The following KIF26B variants were observed in gnomAD, a reference collection of about 807,000 sequenced individuals.
KIF26B encodes kinesin family member 26B, also known as kinesin-like protein KIF26B.
Under a neutral mutation model 151.2 loss-of-function variants are expected in KIF26B, and 63 were observed. That is an observed-to-expected ratio of 0.42 (90% CI 0.34 to 0.51). The LOEUF (loss-of-function observed/expected upper bound fraction) is 0.51, where lower values mean the gene tolerates loss of function less well. Ranked by LOEUF, KIF26B falls within the 20% of genes least tolerant of loss-of-function variation. The pLI, the probability that KIF26B is intolerant of heterozygous loss-of-function variation, is 0.07. For synonymous variants in KIF26B, 1,357 were observed against 1,262.1 expected (o/e 1.08, Z -1.59); for missense variants, 2,813 against 2,913.6 (o/e 0.97, Z 0.79).
intron 2 of KIF26B, among the ~76,000 whole-genome samples, chr1:245,198,735 A>C (rs1034435943): frequency 1.3e-4 from 20 of 151,816 alleles, no homozygotes; most frequent in African/African-American, 4.8e-4. Flanking sequence ...TCAAAAAAAA[A>C]AAAAAATTGT....
chr1:245,417,747 G>T (rs1674454580), intron 3 of KIF26B, among the ~76,000 whole-genome samples: 1 of 152,206 alleles, frequency 6.6e-6, no homozygotes, highest in Non-Finnish European at 1.5e-5. Flanking sequence ...TGGGAATCTG[G>T]ACCCACCCAG....
intron 2 of KIF26B, among the ~76,000 whole-genome samples, chr1:245,185,354 G>A (rs1317820865): frequency 6.6e-6 from 1 of 152,106 alleles, no homozygotes; most frequent in African/African-American, 2.4e-5. Flanking sequence ...GGCCAGGCTG[G>A]TCTCGAACTC....
chr1:245,388,854 T>C (rs1274940354), intron 3 of KIF26B, among the ~76,000 whole-genome samples: 1 of 152,194 alleles, frequency 6.6e-6, no homozygotes, highest in East Asian at 1.9e-4. Flanking sequence ...TCAAGGAAAG[T>C]CAGGGTGAGA....
intron 2 of KIF26B, among the ~76,000 whole-genome samples, chr1:245,181,514 TAAA>T (rs369608495): frequency 1.0e-5 from 1 of 97,926 alleles, no homozygotes; most frequent in Admixed American, 1.3e-4. Flanking sequence ...GTAGTAAAGT[TAAA>T]AAAAAAAAAG....
At chr1:245,673,032 C>T (rs572833073) in intron 10 of KIF26B, among the ~76,000 whole-genome samples, 26 of 151,776 alleles carry the variant, frequency 1.7e-4, no homozygotes, top group Admixed American at 1.4e-3. Context: ...CGGCGCGCTG[C>T]CATCTTAGGC....
intron 2 of KIF26B, among the ~76,000 whole-genome samples, chr1:245,201,107 A>G (rs1388765557): frequency 2.0e-5 from 3 of 152,228 alleles, no homozygotes; most frequent in African/African-American, 4.8e-5. Flanking sequence ...AAGGCCACAC[A>G]GTTAAGAATT....
chr1:245,377,561 A>G (rs138877005), intron 3 of KIF26B, among the ~76,000 whole-genome samples: 293 of 152,342 alleles, frequency 1.9e-3, no homozygotes, highest in African/African-American at 6.0e-3. Context: ...TTTTGCACCT[A>G]TCTAATAATT....
chr1:245,698,823 T>C lies in KIF26B; in HGVS notation c.6028-64T>C. On this transcript the variant is annotated intron_variant, in intron 13 of 14. Coordinates refer to ENST00000407071, the MANE Select transcript of KIF26B (RefSeq NM_018012.4). This position sits in a 1 kb window ranked among gnomAD's most constrained non-coding sequence, Gnocchi z 4.0. ...GTTTTCCATCAACGATACTCACAGG[T>C]GCTCCTGTGGTGTGGGCTGGGTGTG... The C allele has an allele frequency of 6.5e-7, 1 of 1,541,024 alleles. No homozygotes were observed. The highest frequency in any genetic ancestry group is 8.8e-7 in the Non-Finnish European group (1 of 1,131,634).
chr1:245,257,250 T>A (rs1670553601), intron 2 of KIF26B, among the ~76,000 whole-genome samples: 2 of 152,212 alleles, frequency 1.3e-5, no homozygotes, highest in African/African-American at 2.4e-5. Context: ...ACATCTTACA[T>A]GTATTGATTG....
intron 2 of KIF26B, among the ~76,000 whole-genome samples, chr1:245,221,489 C>A (rs567184695): frequency 1.3e-5 from 2 of 151,600 alleles, no homozygotes; most frequent in African/African-American, 4.8e-5. Flanking sequence ...CTCACTGTAA[C>A]CTTCGCTTCC....
At chr1:245,338,208 A>G (rs779601782) in intron 2 of KIF26B, among the ~76,000 whole-genome samples, 7 of 152,254 alleles carry the variant, frequency 4.6e-5, no homozygotes, top group African/African-American at 7.2e-5. Flanking sequence ...GATTCCTTCA[A>G]AATGGTTTAC....
At chr1:245,243,335 CCCTTCCATGA>C (rs1160436310) in intron 2 of KIF26B, among the ~76,000 whole-genome samples, 1 of 152,000 alleles carries the variant, frequency 6.6e-6, no homozygotes, top group East Asian at 1.9e-4. Context: ...GTTGTGTTTC[CCCTTCCATGA>C]CCTAAATGTT....
rs774784246 is a variant in KIF26B at position 245,352,412 on chromosome 1, C to T, written c.466-14422C>T. Among the ~76,000 whole-genome samples the T allele has an allele frequency of 8.5e-5, 13 of 152,104 alleles. No homozygotes were observed. The highest frequency in any genetic ancestry group is 1.6e-4 in the Non-Finnish European group (11 of 68,012). ...CTGAGTAGCTGGGATTACAGGCACC[C>T]ACCACCACACCTGGCTAATTTTTGT... is the stretch of plus-strand genomic sequence containing the variant. On this transcript the variant is annotated intron_variant, in intron 2 of 14. Coordinates refer to ENST00000407071, the MANE Select transcript of KIF26B (RefSeq NM_018012.4). This position sits in a 1 kb window ranked among gnomAD's most constrained non-coding sequence, Gnocchi z 5.0.
At chr1:245,416,204 C>A (rs543242032) in intron 3 of KIF26B, among the ~76,000 whole-genome samples, 3 of 145,922 alleles carry the variant, frequency 2.1e-5, no homozygotes, top group Non-Finnish European at 4.5e-5. Flanking sequence ...CTCTTGAACC[C>A]GGAAGGCGGA....
In KIF26B at chr1:245,599,925, C is replaced by G. The variant is rs577608366; in HGVS notation, c.1351-2652C>G. ...TTTGACTGTGTTTTACTAATAGGAGCCTTGTTGGGCCCAGTGCTTCATAAC... is the reference window on the plus strand; with the variant it reads ...TTTGACTGTGTTTTACTAATAGGAGGCTTGTTGGGCCCAGTGCTTCATAAC... On this transcript the variant is annotated intron_variant, in intron 5 of 14. Transcript: ENST00000407071. Among the ~76,000 whole-genome samples the G allele has an allele frequency of 3.3e-5, 5 of 152,046 alleles. No individual in the cohort carries two copies. In the East Asian group the frequency reaches 5.9e-4, roughly 18 times the overall value.
intron 10 of KIF26B, among the ~76,000 whole-genome samples, chr1:245,650,138 C>T (rs550494884): frequency 6.6e-6 from 1 of 152,218 alleles, no homozygotes; most frequent in African/African-American, 2.4e-5. Context: ...TCCAACCCCT[C>T]GTCAGTTCTG....
At chr1:245,245,324 C>T (rs771029304) in intron 2 of KIF26B, among the ~76,000 whole-genome samples, 3 of 152,150 alleles carry the variant, frequency 2.0e-5, no homozygotes, top group East Asian at 3.9e-4. Context: ...TGTCACCCCT[C>T]GGCTGAGTCC....
At chr1:245,639,049 G>A (rs760744743) in intron 9 of KIF26B, among the ~76,000 whole-genome samples, 26 of 151,806 alleles carry the variant, frequency 1.7e-4, no homozygotes, top group Non-Finnish European at 3.2e-4. Context: ...AGTAGAATTG[G>A]TATTAGTTAT....
intron 1 of KIF26B, 108 bp from the exon 2 acceptor site, chr1:245,156,174 T>A (rs1368508900): frequency 6.3e-5 from 91 of 1,444,808 alleles, no homozygotes; most frequent in Non-Finnish European, 7.7e-5. Context: ...CCCAACCGAC[T>A]CCCGTGGGCG....
Sources: gnomAD v4.1 joint callset for allele counts (sites outside exome capture counted in the v4.1 genomes callset) on GRCh38, gnomAD v4.1.1 for gene constraint, Gnocchi (gnomAD v3.1) non-coding constraint, MANE v1.5 for transcripts, NCBI Gene and HGNC (gene_info 2026-07-23, HGNC 2026-07-21) for gene names.